Variants in CSF2RA observed in about 807,000 individuals in gnomAD.
The protein encoded by CSF2RA is colony stimulating factor 2 receptor subunit alpha, also known as granulocyte-macrophage colony-stimulating factor receptor subunit alpha.
In CSF2RA, 42 loss-of-function variants were observed where a neutral mutation model predicts 51.6. The ratio of observed to expected loss-of-function variants is 0.81; its 90% CI spans 0.64 to 1.05. CSF2RA has a LOEUF of 1.05. Among genes scored for constraint, CSF2RA ranks in the 50% least tolerant of loss-of-function variants. The probability of loss-of-function intolerance (pLI) is 0.00; values close to 1 mark genes in which losing one functional copy is unlikely to be tolerated. For missense variants in CSF2RA, 530 were observed against 501.1 expected (o/e 1.06, Z -0.55); for synonymous variants, 222 against 193.0 (o/e 1.15, Z -1.24).
chrX:1,305,372 G>C (rs28368841), intron 11 of CSF2RA, 74 bp from the exon 12 acceptor site: 1 of 1,535,494 alleles, frequency 6.5e-7, no homozygotes, highest in East Asian at 2.2e-5. Context: ...AGCATCCCTC[G>C]GCACAGGGCG....
At chrX:1,316,251 TTAGATAGATGATAGATAGATAGATAGA>T in the CSF2RA span, among the ~76,000 whole-genome samples, 1 of 140,152 alleles carries the variant, frequency 7.1e-6, no homozygotes, top group Non-Finnish European at 1.5e-5. Flanking sequence ...AGATGATAGA[TTAGATAGATGATAGATAGATAGATAGA>T]TAGATAGATA....
At chrX:1,296,524 T>C (rs369328379) in intron 9 of CSF2RA, among the ~76,000 whole-genome samples, 8 of 10,882 alleles carry the variant, frequency 7.4e-4, no homozygotes, top group East Asian at 5.4e-3. Context: ...CTGGCGGAAC[T>C]GTACAGTCCC....
rs1329081465 is a variant in CSF2RA, at chrX:1,290,253, TTG to T, written c.474-80_474-79del. Reference sequence around the variant, plus strand: ...GTGTTTTGTGTTTTTGTGTTTTGTTTTGTGTTTGTTTTTGTTTTGTTTTGTGT... The same window carrying T: ...GTGTTTTGTGTTTTTGTGTTTTGTTTTGTTTGTTTTTGTTTTGTTTTGTGT... On this transcript the variant is annotated intron_variant, in intron 6 of 12. Transcript: ENST00000381529. The T allele has an allele frequency of 1.7e-5, 19 of 1,148,176 alleles. No individual in the cohort carries two copies. The African/African-American group carries it at 2.5e-4, about 15-fold the overall frequency. 71.1% of individuals were successfully genotyped at this position (1,148,176 alleles called of 1,614,324 possible). A position where few individuals can be genotyped will look rare whatever the true frequency, so the allele number is the denominator to read the frequency against.
Position 1,300,572 on chromosome X carries a change from G to A in CSF2RA, c.892G>A (p.Ala298Thr), listed in dbSNP as rs2092301052. 1 of 1,613,918 alleles carries A rather than the reference G, an allele frequency of 6.2e-7. No individual in the cohort carries two copies. The highest frequency in any genetic ancestry group is 8.5e-7 in the Non-Finnish European group (1 of 1,179,858). The change falls in exon 10 of 13, where the codon GCT becomes ACT. Residue 298 changes from alanine to threonine, a missense_variant. By Grantham distance (58) the Ala-to-Thr change is moderately conservative (BLOSUM62 0). Transcript: ENST00000381529. ...PRAKHSVKIR[A>T]ADVRILNWSS... ...AGCAAAACACAGTGTGAAGATCAGA[G>A]CTGCAGACGTCCGCATCTTGAATTG...
At chrX:1,281,077 C>G (rs1307180686) in intron 2 of CSF2RA, among the ~76,000 whole-genome samples, 3 of 74,516 alleles carry the variant, frequency 4.0e-5, no homozygotes, top group African/African-American at 1.9e-4. Flanking sequence ...TTCTCCTCCT[C>G]CTCCTTCTCC....
intron 11 of CSF2RA, among the ~76,000 whole-genome samples, chrX:1,305,231 C>T (rs2083441862): frequency 6.6e-6 from 1 of 151,892 alleles, no homozygotes; most frequent in Admixed American, 6.6e-5. Flanking sequence ...AAGTGATCCA[C>T]CCGCCTCGGC....
chrX:1,314,280 C>CACACAGCATCTGCCCAA (rs1569514728), downstream of CSF2RA, among the ~76,000 whole-genome samples: 1 of 77,170 alleles, frequency 1.3e-5, no homozygotes, highest in African/African-American at 3.9e-5. Flanking sequence ...CCTGCCCAAC[C>CACACAGCATCTGCCCAA]CCACTGCATC....
rs1178981160 is a variant in CSF2RA, at chrX:1,287,633, G to A, written c.220-886G>A. On this transcript the variant is annotated intron_variant, in intron 4 of 12. Transcript: ENST00000381529. ...TAATTTTTGTATTTTTAGTAGAGACGGGGTTTCACCATGTTGGCCAGGCTG... is the reference window on the plus strand; with the variant it reads ...TAATTTTTGTATTTTTAGTAGAGACAGGGTTTCACCATGTTGGCCAGGCTG... Among the ~76,000 whole-genome samples the A allele has an allele frequency of 1.4e-4, 20 of 143,106 alleles. 1 individual carries two copies. The highest frequency in any genetic ancestry group is 6.2e-4 in the East Asian group (3 of 4,850). 93.9% of individuals were successfully genotyped at this position (143,106 alleles called of 152,430 possible).
In CSF2RA at chrX:1,296,222, C is replaced by T. The variant is rs780746399; in HGVS notation, c.810+766C>T. Among the ~76,000 whole-genome samples, 78 of 150,428 alleles carry T rather than the reference C, an allele frequency of 5.2e-4. No homozygotes were observed. The South Asian group carries it at 8.2e-3, about 16-fold the overall frequency. On this transcript the variant is annotated intron_variant, in intron 9 of 12. Transcript: ENST00000381529. ...ACAGTTCCCTATCCATGACCTCTGG[C>T]GGAACCCTACACTCCCCTACTCACA...
chrX:1,300,415 A>G (rs1392071761), intron 9 of CSF2RA, 76 bp from the exon 10 acceptor site: 15 of 1,547,108 alleles, frequency 9.7e-6, no homozygotes, highest in South Asian at 1.2e-5. Flanking sequence ...AACTTAAAAG[A>G]CAAAAGAACG....
downstream of CSF2RA, among the ~76,000 whole-genome samples, chrX:1,314,588 C>T (rs758654381): frequency 2.7e-5 from 1 of 36,550 alleles, no homozygotes; most frequent in African/African-American, 9.8e-5. Context: ...CCCAACCCCA[C>T]TGCACCTGCC....
At chrX:1,314,676 AACCCCT>A (rs2084436736), downstream of CSF2RA, among the ~76,000 whole-genome samples, 1 of 1,196 alleles carries the variant, frequency 8.4e-4, no homozygotes, top group Non-Finnish European at 3.5e-3. Flanking sequence ...GCACTTGCCC[AACCCCT>A]CTGTGCCTGC....
At chrX:1,276,013 T>G (rs1431285672) in intron 2 of CSF2RA, among the ~76,000 whole-genome samples, 1 of 151,388 alleles carries the variant, frequency 6.6e-6, no homozygotes, top group Non-Finnish European at 1.5e-5. Flanking sequence ...ATTTGTTTTA[T>G]TTTTTGTGAC....
At chrX:1,273,656 C>T (rs774136835) in intron 1 of CSF2RA, among the ~76,000 whole-genome samples, 1 of 151,176 alleles carries the variant, frequency 6.6e-6, no homozygotes, top group East Asian at 2.0e-4. Context: ...TCTTGGCTCA[C>T]TGCAGCCTCT....
At chrX:1,296,028 T>A (rs2091914990) in intron 9 of CSF2RA, among the ~76,000 whole-genome samples, 1 of 133,068 alleles carries the variant, frequency 7.5e-6, no homozygotes, top group African/African-American at 2.9e-5. Flanking sequence ...CGCCTACAGT[T>A]CCCTATTCAT....
chrX:1,313,205 C>G (rs1482277942), downstream of CSF2RA, among the ~76,000 whole-genome samples: 2 of 151,704 alleles, frequency 1.3e-5, no homozygotes, highest in Non-Finnish European at 2.9e-5. Flanking sequence ...AGGTGGATCA[C>G]TTGAGGTCAG....
chrX:1,285,701 CAAAAAAAAAAAAAAAAAA>C lies in CSF2RA; in HGVS notation c.77-64_77-47del, dbSNP rs374606414. 46 of 873,818 alleles carry C rather than the reference CAAAAAAAAAAAAAAAAAA, an allele frequency of 5.3e-5. No homozygotes were observed. The Middle Eastern group carries it at 1.3e-3, about 25-fold the overall frequency. The allele number at this position is 873,818 out of a possible 1,614,324, so 54.1% of individuals were successfully genotyped here. ...TGGGAGACAAAGCCAGACTCCGTCT[CAAAAAAAAAAAAAAAAAA>C]AAAAAAAAAAAAGGAAAAGAAAAGA... On this transcript the variant is annotated intron_variant, in intron 3 of 12. Transcript: ENST00000381529.
At position 1,294,015 on chromosome X, in the gene CSF2RA, C is replaced by T. The variant is rs777508277; in HGVS notation, c.647-313C>T. On this transcript the variant is annotated intron_variant, in intron 7 of 12. Coordinates refer to ENST00000381529, the MANE Select transcript of CSF2RA (RefSeq NM_172245.4). ...GGGAGGAGACCCTGCCCCACCTCCACCTGGACCCAGTGTAGACAGGAGAAG... is the reference window on the plus strand; with the variant it reads ...GGGAGGAGACCCTGCCCCACCTCCATCTGGACCCAGTGTAGACAGGAGAAG... 2.9e-4 allele frequency: 65 copies of T among 220,780 alleles called. 9 individuals carry two copies. The highest frequency in any genetic ancestry group is 5.1e-4 in the Non-Finnish European group (60 of 118,490). The allele number at this position is 220,780 out of a possible 1,614,324, so 13.7% of individuals were successfully genotyped here. A position where few individuals can be genotyped will look rare whatever the true frequency, so the allele number is the denominator to read the frequency against.
At chrX:1,280,904 G>GCTCCTTCTCCTCCTCCTC (rs1491436221) in intron 2 of CSF2RA, among the ~76,000 whole-genome samples, 4,990 of 26,722 alleles carry the variant, frequency 0.19, 549 homozygotes, top group East Asian at 0.37. Flanking sequence ...TCCTCCTCCT[G>GCTCCTTCTCCTCCTCCTC]CTCCTTCTCC....
Sources: gnomAD v4.1 joint callset for allele counts (sites outside exome capture counted in the v4.1 genomes callset) on GRCh38, gnomAD v4.1.1 for gene constraint, MANE v1.5 for transcripts, NCBI Gene and HGNC (gene_info 2026-07-23, HGNC 2026-07-21) for gene names.